CACNA1H: variants seen among roughly 807,000 people sequenced by gnomAD.
CACNA1H encodes the protein calcium voltage-gated channel subunit alpha1 H, also known as voltage-dependent T-type calcium channel subunit alpha-1H.
Under a neutral mutation model 192.5 loss-of-function variants are expected in CACNA1H, and 149 were observed. The ratio of observed to expected loss-of-function variants is 0.77; its 90% CI spans 0.68 to 0.89. The LOEUF is 0.89. Among genes scored for constraint, CACNA1H ranks in the 40% least tolerant of loss-of-function variants. The probability of loss-of-function intolerance (pLI) is 0.00; values close to 1 mark genes in which losing one functional copy is unlikely to be tolerated. For missense variants in CACNA1H, 4,257 were observed against 3,423.5 expected (o/e 1.24, Z -6.08); for synonymous variants, 2,202 against 1,475.2 (o/e 1.49, Z -11.29).
At position 1,198,681 on chromosome 16, in the gene CACNA1H, G is replaced by A. The variant is rs201703940; in HGVS notation, c.710G>A (p.Cys237Tyr). ...ATGCTCGGGAACGTCCTTCTGCTGT[G>A]CTTCTTCGTCTTCTTCATTTTCGGC... ...LPMLGNVLLLCFFVFFIFGIV... is the reference protein window; with the variant it reads ...LPMLGNVLLLYFFVFFIFGIV... The change falls in exon 6 of 35, where the codon TGC becomes TAC. Residue 237 changes from cysteine to tyrosine, a missense_variant. Cys to Tyr is a radical substitution (Grantham distance 194). Transcript: ENST00000348261. 4 of 1,613,474 alleles carry A rather than the reference G, an allele frequency of 2.5e-6. No individual in the cohort carries two copies. Among genetic ancestry groups the A allele is most frequent in the Non-Finnish European group, 3.4e-6 (4 of 1,179,646 alleles).
chr16:1,218,993 C>A lies in CACNA1H; in HGVS notation c.5911C>A (p.Pro1971Thr), dbSNP rs1182584181. ...AGGCTCCGTTGCCTCTGTGCACTCTCCGCCCGCAGAGTCCTGTGCCTCCCT... is the reference window on the plus strand; with the variant it reads ...AGGCTCCGTTGCCTCTGTGCACTCTACGCCCGCAGAGTCCTGTGCCTCCCT... ...PLGSVASVHS[P>T]PAESCASLQI... The change falls in exon 34 of 35, where the codon CCG becomes ACG. Residue 1971 changes from proline to threonine, a missense_variant. Transcript: ENST00000348261. The A allele has an allele frequency of 1.3e-6, 2 of 1,550,172 alleles. No individual in the cohort carries two copies. The highest frequency in any genetic ancestry group is 1.7e-6 in the Non-Finnish European group (2 of 1,146,900).
chr16:1,181,792 G>A (rs1965494632), intron 2 of CACNA1H, among the ~76,000 whole-genome samples: 1 of 151,500 alleles, frequency 6.6e-6, no homozygotes, highest in Non-Finnish European at 1.5e-5. Context: ...AGAGGGCTGT[G>A]TGTGAGTTCT....
chr16:1,181,920 C>T (rs530703737), intron 2 of CACNA1H, among the ~76,000 whole-genome samples: 17 of 152,116 alleles, frequency 1.1e-4, no homozygotes, highest in African/African-American at 4.1e-4. Context: ...GCCCCTCACA[C>T]ATGCATGTCC....
At chr16:1,207,205 C>A in intron 13 of CACNA1H, 70 bp from the exon 14 acceptor site, 1 of 1,553,876 alleles carries the variant, frequency 6.4e-7, no homozygotes, top group Non-Finnish European at 8.7e-7. Flanking sequence ...TCCATAGCTG[C>A]CTCTGCCCCA....
chr16:1,209,663 C>T (rs1776156051), intron 17 of CACNA1H, among the ~76,000 whole-genome samples: 1 of 152,218 alleles, frequency 6.6e-6, no homozygotes. Context: ...CATACGGGGG[C>T]TGGGCTCTGC....
At chr16:1,212,853 C>T (rs924681059) in intron 26 of CACNA1H, among the ~76,000 whole-genome samples, 7 of 152,226 alleles carry the variant, frequency 4.6e-5, no homozygotes, top group Non-Finnish European at 8.8e-5. Flanking sequence ...GGCCGCGGGC[C>T]CTCTCCGGCT....
chr16:1,216,907 C>T (rs1241913848), intron 30 of CACNA1H, 25 bp from the exon 31 acceptor site: 3 of 1,584,682 alleles, frequency 1.9e-6, no homozygotes, highest in South Asian at 1.1e-5. Context: ...CCCGTCTGAC[C>T]CAGCTCTGCT....
In CACNA1H at chr16:1,180,894, G is replaced by C. The variant is rs759202636; in HGVS notation, c.300-14078G>C. ...AGCGTGCTGAGGACAGACCTGCTGG[G>C]CCGCGTTGGCAGGGGCTCACCCCGT... On this transcript the variant is annotated intron_variant, in intron 2 of 34. Transcript: ENST00000348261. This position sits in a 1 kb window ranked among gnomAD's most constrained non-coding sequence, Gnocchi z 4.4. Among the ~76,000 whole-genome samples the C allele has an allele frequency of 6.6e-6, 1 of 152,100 alleles. No individual in the cohort carries two copies. The highest frequency in any genetic ancestry group is 1.5e-5 in the Non-Finnish European group (1 of 68,022).
Position 1,210,135 on chromosome 16 carries a change from G to T in CACNA1H, c.3845G>T (p.Arg1282Leu). Residue 1282 changes from arginine (R) to leucine (L), a missense_variant and splice_region_variant, in exon 18 of 35, where the codon CGG (arginine) becomes CTG (leucine). Physicochemically the swap from Arg to Leu is moderately radical, Grantham distance 102. Coordinates refer to ENST00000348261, the MANE Select transcript of CACNA1H (RefSeq NM_021098.3). ...CTCTACCTCTTCTCCCCACAGAACC[G>T]GTGAGGCGGCCGGGTCAGGAGGCTG... ...WALYLFSPQN[R>L]FRVSCQKVIT... 1 of 1,553,996 alleles carries T rather than the reference G, an allele frequency of 6.4e-7. No homozygotes were observed. The highest frequency in any genetic ancestry group is 1.9e-5 in the Admixed American group (1 of 51,826).
intron 20 of CACNA1H, 63 bp from the exon 21 acceptor site, chr16:1,210,724 G>A: frequency 6.5e-7 from 1 of 1,549,086 alleles, no homozygotes; most frequent in Non-Finnish European, 8.8e-7. Context: ...CCACCCAGCA[G>A]CGCGCCAGCT....
chr16:1,220,496 C>A lies in CACNA1H; in HGVS notation c.6564C>A (p.Ser2188Arg). ...ALGARRKKKM[S>R]PPCISVEPPA... ...GTGCGCGCAGAAAGAAGAAGATGAGCCCCCCCTGCATCTCGGTGGAACCCC... is the reference window on the plus strand; with the variant it reads ...GTGCGCGCAGAAAGAAGAAGATGAGACCCCCCTGCATCTCGGTGGAACCCC... Residue 2188 changes from serine (S) to arginine (R), a missense_variant, in exon 35 of 35, where the codon AGC becomes AGA. By Grantham distance (110) the Ser-to-Arg change is moderately radical (BLOSUM62 -1). Coordinates refer to ENST00000348261, the MANE Select transcript of CACNA1H (RefSeq NM_021098.3). The A allele has an allele frequency of 4.5e-6, 7 of 1,541,686 alleles. No homozygotes were observed. Among genetic ancestry groups the A allele is most frequent in the Non-Finnish European group, 6.1e-6 (7 of 1,152,708 alleles).
At chr16:1,211,653 G>C in intron 23 of CACNA1H, 47 bp downstream of exon 23, 1 of 1,609,888 alleles carries the variant, frequency 6.2e-7, no homozygotes, top group Non-Finnish European at 8.5e-7. Flanking sequence ...AGGACACCCT[G>C]GAGCGAGAGG....
At chr16:1,153,696 C>T in intron 1 of CACNA1H, 24 bp from the exon 2 acceptor site, 2 of 1,184,148 alleles carry the variant, frequency 1.7e-6, no homozygotes, top group Admixed American at 4.5e-5. Context: ...CCACCGGCCC[C>T]GGGTCACCCC....
Position 1,220,571 on chromosome 16 carries a change from C to T in CACNA1H, c.6639C>T (p.Ser2213=), listed in dbSNP as rs768323761. 24 of 1,537,020 alleles carry T rather than the reference C, an allele frequency of 1.6e-5. No homozygotes were observed. The African/African-American group carries it at 3.2e-4, about 20-fold the overall frequency. Residue 2213 remains serine, a synonymous_variant, in exon 35 of 35, where the codon AGC becomes AGT. Transcript: ENST00000348261. ...GGCCCTCCGCGGCAGAGGGCGGCAG[C>T]ACCACACTGAGGCGCAGGACCCCGT... The part of the protein sequence containing the change: ...SARPSAAEGG[S]TTLRRRTPSC...
chr16:1,211,919 C>G (rs772051946), intron 24 of CACNA1H, 27 bp from the exon 25 acceptor site: 9 of 1,610,204 alleles, frequency 5.6e-6, no homozygotes, highest in African/African-American at 4.0e-5. Context: ...GGCAGGCGGG[C>G]GGGGACCCAC....
intron 17 of CACNA1H, 24 bp downstream of exon 17, chr16:1,209,436 C>T (rs1382606601): frequency 1.3e-6 from 2 of 1,590,634 alleles, no homozygotes; most frequent in Non-Finnish European, 8.5e-7. Flanking sequence ...CCTGGGCCCA[C>T]CGCCGACTCG....
At chr16:1,190,668 TACC>T (rs1282145757) in intron 2 of CACNA1H, among the ~76,000 whole-genome samples, 1 of 152,210 alleles carries the variant, frequency 6.6e-6, no homozygotes, top group Non-Finnish European at 1.5e-5. Context: ...GACCCTGCTA[TACC>T]ACCGTCCCCT....
At chr16:1,216,166 C>G (rs139524398) in intron 30 of CACNA1H, among the ~76,000 whole-genome samples, 2 of 152,314 alleles carry the variant, frequency 1.3e-5, no homozygotes, top group East Asian at 3.9e-4. Flanking sequence ...TGCCTATGCA[C>G]CCGGCACCTC....
chr16:1,163,362 C>T (rs1963422173), intron 2 of CACNA1H, among the ~76,000 whole-genome samples: 1 of 152,180 alleles, frequency 6.6e-6, no homozygotes, highest in African/African-American at 2.4e-5. Flanking sequence ...ACGAGTCTCC[C>T]CATGGCACCT....
Sources: gnomAD v4.1 joint callset for allele counts (sites outside exome capture counted in the v4.1 genomes callset) on GRCh38, gnomAD v4.1.1 for gene constraint, Gnocchi (gnomAD v3.1) non-coding constraint, MANE v1.5 for transcripts, NCBI Gene and HGNC (gene_info 2026-07-23, HGNC 2026-07-21) for gene names.